ARL15: variants seen among roughly 807,000 people sequenced by gnomAD.
ARL15 encodes the protein ADP-ribosylation factor-like protein 15.
A neutral mutation model predicts 25.2 loss-of-function variants in ARL15; 19 were observed. The observed-to-expected ratio is 0.75, with a 90% CI of 0.53 to 1.10. The LOEUF is 1.10. ARL15 is among the 50% of genes least tolerant of loss of function. ARL15 has a pLI of 0.00. For missense variants in ARL15, 220 were observed against 246.0 expected (o/e 0.89, Z 0.71); for synonymous variants, 94 against 86.8 (o/e 1.08, Z -0.46).
chr5:54,086,203 C>T (rs1351718794), intron 4 of ARL15, among the ~76,000 whole-genome samples: 1 of 152,110 alleles, frequency 6.6e-6, no homozygotes, highest in Non-Finnish European at 1.5e-5. Context: ...CATGAGCCAC[C>T]GTACTTGGCC....
rs74648607 is a variant in ARL15 at position 53,937,284 on chromosome 5, C to T, written c.463-50571G>A. The stretch of plus-strand genomic sequence containing the variant: ...AATAAGTACAAAATACACATGTGCA[C>T]GCCTGCGCATACACACACACACACA... On this transcript the variant is annotated intron_variant, in intron 4 of 4. Transcript: ENST00000504924. Among the ~76,000 whole-genome samples, 14 of 145,326 alleles carry T rather than the reference C, an allele frequency of 9.6e-5. No individual in the cohort carries two copies. The East Asian group carries it at 1.6e-3, about 16-fold the overall frequency.
At chr5:53,887,689 T>TA (rs1308968350) in intron 4 of ARL15, among the ~76,000 whole-genome samples, 1 of 152,190 alleles carries the variant, frequency 6.6e-6, no homozygotes, top group Non-Finnish European at 1.5e-5. Flanking sequence ...CAAATACAGT[T>TA]AGTAGCAACA....
At chr5:54,269,187 A>G (rs997034280) in intron 1 of ARL15, among the ~76,000 whole-genome samples, 1 of 152,116 alleles carries the variant, frequency 6.6e-6, no homozygotes, top group Non-Finnish European at 1.5e-5. Context: ...TAACCTGCAC[A>G]TTGTGCACAT....
chr5:54,272,380 AG>A (rs1282355320), intron 1 of ARL15, among the ~76,000 whole-genome samples: 1 of 152,132 alleles, frequency 6.6e-6, no homozygotes, highest in African/African-American at 2.4e-5. Flanking sequence ...TCAAGAAAAA[AG>A]TACTAGTTCT....
intron 1 of ARL15, among the ~76,000 whole-genome samples, chr5:54,258,168 C>CAAAA (rs773543108): frequency 0.03 from 3,619 of 121,646 alleles, 187 homozygotes; most frequent in African/African-American, 0.1. Flanking sequence ...TTTGTTTCTA[C>CAAAA]AAAAAAAAAA....
At chr5:54,080,181 T>A (rs1751751064) in intron 4 of ARL15, among the ~76,000 whole-genome samples, 1 of 152,206 alleles carries the variant, frequency 6.6e-6, no homozygotes, top group African/African-American at 2.4e-5. Context: ...GACATAGGAA[T>A]TCTAAAGTTG....
chr5:53,964,410 A>T (rs780970480), intron 4 of ARL15, among the ~76,000 whole-genome samples: 1 of 152,030 alleles, frequency 6.6e-6, no homozygotes, highest in South Asian at 2.1e-4. Context: ...CCCATGCTGG[A>T]GTGCAGTGGC....
At chr5:53,931,461 C>T (rs1273297753) in intron 4 of ARL15, among the ~76,000 whole-genome samples, 2 of 152,164 alleles carry the variant, frequency 1.3e-5, no homozygotes, top group East Asian at 1.9e-4. Context: ...CAGTCCCTTA[C>T]AAATTGTTAG....
chr5:54,077,337 T>A (rs1453729602), intron 4 of ARL15, among the ~76,000 whole-genome samples: 2 of 152,084 alleles, frequency 1.3e-5, no homozygotes, highest in African/African-American at 2.4e-5. Context: ...CAGGCCCAAG[T>A]AGAAAATCAC....
At chr5:54,134,856 TAC>T (rs1753555383) in intron 3 of ARL15, among the ~76,000 whole-genome samples, 2 of 152,266 alleles carry the variant, frequency 1.3e-5, no homozygotes, top group African/African-American at 4.8e-5. Flanking sequence ...GTGCTGGGAT[TAC>T]AGGCGTGAGC....
chr5:53,947,718 G>A (rs895852479), intron 4 of ARL15, among the ~76,000 whole-genome samples: 9 of 152,048 alleles, frequency 5.9e-5, no homozygotes, highest in African/African-American at 9.7e-5. Flanking sequence ...AATTAGAGAC[G>A]GTTAAAAAGC....
At chr5:54,296,679 C>T (rs1323108859) in intron 1 of ARL15, among the ~76,000 whole-genome samples, 1 of 152,248 alleles carries the variant, frequency 6.6e-6, no homozygotes, top group East Asian at 1.9e-4. Context: ...TGTGCCAGTT[C>T]ACAATGGGGA....
intron 4 of ARL15, among the ~76,000 whole-genome samples, chr5:54,112,310 A>G (rs190377435): frequency 2.2e-4 from 34 of 152,314 alleles, no homozygotes; most frequent in Admixed American, 6.5e-4. Flanking sequence ...TGGGTCACAC[A>G]CTAAGTGTGA....
chr5:53,923,907 C>G (rs1327274229), intron 4 of ARL15, among the ~76,000 whole-genome samples: 11 of 152,088 alleles, frequency 7.2e-5, no homozygotes, highest in Admixed American at 7.2e-4. Flanking sequence ...GACTATTTTT[C>G]AGACCAAGTA....
At chr5:54,267,642 A>T (rs35919) in intron 1 of ARL15, among the ~76,000 whole-genome samples, 113,475 of 151,554 alleles carry the variant, frequency 0.75, 43,792 homozygotes, top group Middle Eastern at 0.84. Context: ...TACTTTTTTT[A>T]AAAAAAAAAG....
At position 54,055,914 on chromosome 5, in the gene ARL15, C is replaced by T. The variant is rs183470225; in HGVS notation, c.462+57288G>A. 1.4e-4 allele frequency among the ~76,000 whole-genome samples: 21 copies of T among 152,190 alleles called. No individual in the cohort carries two copies. The East Asian group carries it at 3.3e-3, about 24-fold the overall frequency. ...TAGTGAACTGTGGGCTCCCCAGACG[C>T]GGGGACAAAGCTTTGTGCATCTTTG... is the stretch of plus-strand genomic sequence containing the variant. On this transcript the variant is annotated intron_variant, in intron 4 of 4. Transcript: ENST00000504924.
intron 2 of ARL15, among the ~76,000 whole-genome samples, chr5:54,170,126 T>A (rs1381432208): frequency 6.6e-6 from 1 of 152,158 alleles, no homozygotes; most frequent in Non-Finnish European, 1.5e-5. Flanking sequence ...CATCCAACCA[T>A]CACGTAAGCC....
chr5:54,219,311 T>G (rs1427283305), intron 1 of ARL15, among the ~76,000 whole-genome samples: 1 of 152,206 alleles, frequency 6.6e-6, no homozygotes, highest in Non-Finnish European at 1.5e-5. Context: ...AAGTCATGTC[T>G]GCTTGCACAA....
At chr5:54,298,570 C>G (rs2112706315) in intron 1 of ARL15, among the ~76,000 whole-genome samples, 1 of 152,230 alleles carries the variant, frequency 6.6e-6, no homozygotes, top group South Asian at 2.1e-4. Flanking sequence ...CAGTTCCAGC[C>G]CTTTCTCTTC....
Sources: allele counts gnomAD v4.1 joint callset (sites outside exome capture counted in the v4.1 genomes callset), GRCh38; gene constraint gnomAD v4.1.1; transcripts MANE v1.5; gene names NCBI Gene and HGNC (gene_info 2026-07-23, HGNC 2026-07-21).